The following DAB1 variants were observed in gnomAD, a reference collection of about 807,000 sequenced individuals.
DAB1 encodes the protein disabled homolog 1.
Under a neutral mutation model 64.6 loss-of-function variants are expected in DAB1, and 15 were observed. The ratio of observed to expected loss-of-function variants is 0.23; its 90% CI spans 0.16 to 0.36. DAB1 has a LOEUF of 0.36. Ranked by LOEUF, DAB1 falls within the 10% of genes least tolerant of loss-of-function variation. The pLI is 1.00. For missense variants in DAB1, 596 were observed against 706.7 expected (o/e 0.84, Z 1.78); for synonymous variants, 235 against 251.9 (o/e 0.93, Z 0.64).
intron 3 of DAB1, among the ~76,000 whole-genome samples, chr1:58,446,278 A>G (rs1192178144): frequency 6.6e-6 from 1 of 152,206 alleles, no homozygotes; most frequent in Non-Finnish European, 1.5e-5. Flanking sequence ...GGAGTCTCTC[A>G]ATATATCTTT....
chr1:57,072,611 C>T (rs1285663984), intron 4 of DAB1, among the ~76,000 whole-genome samples, 197 bp from the exon 5 acceptor site: 1 of 152,166 alleles, frequency 6.6e-6, no homozygotes, highest in African/African-American at 2.4e-5. Context: ...AATGCTGTGA[C>T]CAGAGAGAAA....
At chr1:57,823,402 G>T (rs1361537305), downstream of DAB1, among the ~76,000 whole-genome samples, 1 of 152,134 alleles carries the variant, frequency 6.6e-6, no homozygotes, top group African/African-American at 2.4e-5. Flanking sequence ...CCGAGGAAGA[G>T]GAAGGGGAAT....
At chr1:57,434,402 G>C (rs957304842) in intron 7 of DAB1, among the ~76,000 whole-genome samples, 10 of 152,180 alleles carry the variant, frequency 6.6e-5, no homozygotes, top group Non-Finnish European at 1.0e-4. Context: ...GGGTATTATT[G>C]TGATTCCATC....
intron 7 of DAB1, among the ~76,000 whole-genome samples, chr1:57,570,694 C>A (rs1224419409): frequency 1.3e-5 from 2 of 152,080 alleles, no homozygotes; most frequent in Admixed American, 6.6e-5. Context: ...ATCTCTCACC[C>A]CTTCAAACAA....
At chr1:57,020,685 C>A (rs1382859236) in intron 11 of DAB1, among the ~76,000 whole-genome samples, 1 of 152,184 alleles carries the variant, frequency 6.6e-6, no homozygotes, top group Non-Finnish European at 1.5e-5. Context: ...ACAGCATATT[C>A]TACACTAAAT....
chr1:58,353,819 T>TAAA, intron 3 of DAB1, among the ~76,000 whole-genome samples: 1 of 151,186 alleles, frequency 6.6e-6, no homozygotes, highest in African/African-American at 2.4e-5. Context: ...TCTTGTTTAA[T>TAAA]AAAAAAAAAG....
chr1:57,843,738 C>A (rs775883379), intron 1 of DAB1, among the ~76,000 whole-genome samples: 3 of 152,178 alleles, frequency 2.0e-5, no homozygotes, highest in Non-Finnish European at 4.4e-5. Context: ...CCATGCACAG[C>A]TAGGAGCTTC....
chr1:58,038,380 C>G (rs1647079738), intron 5 of DAB1, among the ~76,000 whole-genome samples: 1 of 152,108 alleles, frequency 6.6e-6, no homozygotes, highest in African/African-American at 2.4e-5. Context: ...ACACAACGTA[C>G]AGATCACCTT....
chr1:57,065,538 T>C (rs1360265913), intron 8 of DAB1, among the ~76,000 whole-genome samples: 9 of 152,208 alleles, frequency 5.9e-5, no homozygotes, highest in Non-Finnish European at 1.3e-4. Context: ...GGGTATTTTA[T>C]TATCCTTGTA....
intron 7 of DAB1, among the ~76,000 whole-genome samples, chr1:57,521,444 T>C (rs1313870187): frequency 7.7e-6 from 1 of 129,440 alleles, no homozygotes; most frequent in Non-Finnish European, 1.5e-5. Flanking sequence ...GAACGACAAG[T>C]TTTTTTTTTG....
chr1:57,076,108 G>A (rs760650455), intron 4 of DAB1, among the ~76,000 whole-genome samples: 3 of 152,156 alleles, frequency 2.0e-5, no homozygotes, highest in Non-Finnish European at 4.4e-5. Flanking sequence ...GGCACCTGTT[G>A]AGCAGCCAGA....
At chr1:57,562,866 G>A (rs1645069227) in intron 7 of DAB1, among the ~76,000 whole-genome samples, 1 of 152,206 alleles carries the variant, frequency 6.6e-6, no homozygotes, top group Non-Finnish European at 1.5e-5. Flanking sequence ...AACAGGCTAA[G>A]AAAGGAGTTA....
At chr1:57,997,979 A>C (rs1168498591) in intron 5 of DAB1, among the ~76,000 whole-genome samples, 3 of 152,098 alleles carry the variant, frequency 2.0e-5, no homozygotes, top group Non-Finnish European at 4.4e-5. Flanking sequence ...AGAGAAACAA[A>C]ATAGTATCTT....
chr1:58,390,423 C>T (rs1252784884), intron 3 of DAB1, among the ~76,000 whole-genome samples: 2 of 152,172 alleles, frequency 1.3e-5, no homozygotes, highest in Non-Finnish European at 1.5e-5. Flanking sequence ...GAAGTGCAGA[C>T]CTGCTCAGTG....
chr1:57,922,845 C>CAAAAAAAAAA lies in DAB1; in HGVS notation n.388-38693_388-38684dup, dbSNP rs367897659. On this transcript the variant is annotated intron_variant and non_coding_transcript_variant, in intron 5 of 20. Transcript: ENST00000485760. ...TGGGTGACAAAGCGAGACTCCATCT[C>CAAAAAAAAAA]AAAAAAAAAAAAAAAAAAAAAAAGA... Among the ~76,000 whole-genome samples the CAAAAAAAAAA allele has an allele frequency of 9.6e-4, 43 of 45,010 alleles. 5 individuals carry two copies. Among genetic ancestry groups the CAAAAAAAAAA allele is most frequent in the African/African-American group, 4.5e-3 (40 of 8,854 alleles). The allele number at this position is 45,010 out of a possible 152,430, so 29.5% of individuals were successfully genotyped here. A position where few individuals can be genotyped will look rare whatever the true frequency, so the allele number is the denominator to read the frequency against.
chr1:57,260,137 C>T (rs1320258320), intron 2 of DAB1, among the ~76,000 whole-genome samples: 3 of 152,286 alleles, frequency 2.0e-5, no homozygotes, highest in South Asian at 2.1e-4. Flanking sequence ...GCAAACCCTT[C>T]ACCCCACAAA....
intron 2 of DAB1, among the ~76,000 whole-genome samples, chr1:57,168,968 A>T (rs968539889): frequency 3.7e-4 from 56 of 152,148 alleles, no homozygotes; most frequent in Non-Finnish European, 6.3e-4. Context: ...AGGCAGGAGG[A>T]TCACTTAGGT....
intron 4 of DAB1, among the ~76,000 whole-genome samples, chr1:57,086,120 G>A (rs1207356647): frequency 6.6e-6 from 1 of 152,078 alleles, no homozygotes; most frequent in African/African-American, 2.4e-5. Context: ...AATTTTGAAG[G>A]CCAGTTTAAA....
At chr1:58,275,934 A>G (rs1402056636) in intron 4 of DAB1, among the ~76,000 whole-genome samples, 1 of 152,222 alleles carries the variant, frequency 6.6e-6, no homozygotes, top group Non-Finnish European at 1.5e-5. Context: ...AATCTCTAAC[A>G]ACAGATAACA....
Sources: gnomAD v4.1 joint callset for allele counts (sites outside exome capture counted in the v4.1 genomes callset) on GRCh38, gnomAD v4.1.1 for gene constraint, MANE v1.5 for transcripts, NCBI Gene and HGNC (gene_info 2026-07-23, HGNC 2026-07-21) for gene names.